The following CDH8 variants were observed in gnomAD, a reference collection of about 807,000 sequenced individuals.
CDH8 encodes cadherin-8.
Under a neutral mutation model 68.1 loss-of-function variants are expected in CDH8, and 17 were observed. The ratio of observed to expected loss-of-function variants is 0.25; its 90% CI spans 0.17 to 0.37. The LOEUF is 0.37. Ranked by LOEUF, CDH8 falls within the 10% of genes least tolerant of loss-of-function variation. The pLI is 1.00. For missense variants in CDH8, 763 were observed against 999.3 expected (o/e 0.76, Z 3.19); for synonymous variants, 372 against 365.1 (o/e 1.02, Z -0.21).
chr16:61,862,889 A>C (rs140825875), intron 3 of CDH8, among the ~76,000 whole-genome samples: 1 of 152,272 alleles, frequency 6.6e-6, no homozygotes, highest in African/African-American at 2.4e-5. Context: ...AACAACCAGG[A>C]TTCTCTGTTT....
rs567661896 is a variant in CDH8 at position 61,879,819 on chromosome 16, G to C, written c.547+21360C>G. ...TATAAGCACAAGTTTCACCTACAGA[G>C]ACCTTATGGGAGAGTAGAAATAGCA... On this transcript the variant is annotated intron_variant, in intron 3 of 11. Transcript: ENST00000577390. Among the ~76,000 whole-genome samples, 7 of 152,220 alleles carry C rather than the reference G, an allele frequency of 4.6e-5. No individual in the cohort carries two copies. The East Asian group carries it at 1.4e-3, about 29-fold the overall frequency.
chr16:61,923,757 T>C (rs954622387), intron 2 of CDH8, among the ~76,000 whole-genome samples: 2 of 147,714 alleles, frequency 1.4e-5, no homozygotes, highest in African/African-American at 4.9e-5. Flanking sequence ...TGTATATATA[T>C]TTAAATATAT....
intron 2 of CDH8, among the ~76,000 whole-genome samples, chr16:61,952,229 C>A (rs1964909524): frequency 6.6e-6 from 1 of 152,064 alleles, no homozygotes; most frequent in Admixed American, 6.6e-5. Flanking sequence ...ATACCACTAC[C>A]ACAGCTAAAG....
intron 10 of CDH8, among the ~76,000 whole-genome samples, chr16:61,660,423 A>AG (rs1376536116): frequency 1.8e-4 from 28 of 152,042 alleles, no homozygotes; most frequent in African/African-American, 6.0e-4. Context: ...AAGAATAGAG[A>AG]GAAAAAAAGA....
chr16:61,960,006 A>G (rs374993605), intron 2 of CDH8, among the ~76,000 whole-genome samples: 3 of 83,216 alleles, frequency 3.6e-5, no homozygotes, highest in African/African-American at 1.6e-4. Context: ...ATATATATAT[A>G]TATATATATA....
intron 2 of CDH8, among the ~76,000 whole-genome samples, chr16:62,011,782 G>T (rs1901819884): frequency 1.3e-5 from 2 of 152,124 alleles, no homozygotes; most frequent in Non-Finnish European, 2.9e-5. Context: ...ACCTCACTTT[G>T]AGTAATAAAA....
At chr16:61,880,901 G>A (rs906545976) in intron 3 of CDH8, among the ~76,000 whole-genome samples, 7 of 152,204 alleles carry the variant, frequency 4.6e-5, no homozygotes, top group African/African-American at 1.7e-4. Flanking sequence ...GAAGAAGGAA[G>A]TTTTCTTATT....
chr16:61,892,059 A>T (rs1481230212), intron 3 of CDH8, among the ~76,000 whole-genome samples: 1 of 152,198 alleles, frequency 6.6e-6, no homozygotes, highest in Non-Finnish European at 1.5e-5. Context: ...AATAATAAAA[A>T]ATATGAAAAT....
chr16:61,658,796 T>C (rs1020058654), intron 10 of CDH8, among the ~76,000 whole-genome samples: 4 of 152,166 alleles, frequency 2.6e-5, no homozygotes, highest in African/African-American at 9.6e-5. Flanking sequence ...GTAGAAGTTA[T>C]ATTGAAATAT....
At chr16:62,009,950 G>A (rs1226101647) in intron 2 of CDH8, among the ~76,000 whole-genome samples, 1 of 151,992 alleles carries the variant, frequency 6.6e-6, no homozygotes, top group Non-Finnish European at 1.5e-5. Flanking sequence ...AAATGAGAAA[G>A]CAAAACATCA....
At position 61,987,746 on chromosome 16, in the gene CDH8, T is replaced by TAA. The variant is rs61546952; in HGVS notation, c.252+33404_252+33405dup. 3.8e-3 allele frequency among the ~76,000 whole-genome samples: 551 copies of TAA among 144,418 alleles called. 1 individual carries two copies. Among genetic ancestry groups the TAA allele is most frequent in the African/African-American group, 0.013 (518 of 39,630 alleles). The allele number at this position is 144,418 out of a possible 152,430, so 94.7% of individuals were successfully genotyped here. The stretch of plus-strand genomic sequence containing the variant: ...ATAATCGTATGATGTTTTAGATTGG[T>TAA]AAAAAAAAAAACCCAGTCTCTGAAA... On this transcript the variant is annotated intron_variant, in intron 2 of 11. Coordinates refer to ENST00000577390, the MANE Select transcript of CDH8 (RefSeq NM_001796.5).
intron 2 of CDH8, among the ~76,000 whole-genome samples, chr16:61,993,544 T>A (rs2150591253): frequency 6.6e-6 from 1 of 152,282 alleles, no homozygotes; most frequent in East Asian, 1.9e-4. Flanking sequence ...GCAATAGTAG[T>A]AGTAATGGCA....
At chr16:62,035,936 C>T (rs1429667465) in intron 1 of CDH8, 144 bp downstream of exon 1, 1 of 152,414 alleles carries the variant, frequency 6.6e-6, no homozygotes, top group Non-Finnish European at 1.5e-5. Context: ...AGCCCAGAGC[C>T]TATGCTAAGA....
intron 10 of CDH8, among the ~76,000 whole-genome samples, chr16:61,701,068 G>T (rs1964419863): frequency 6.6e-6 from 1 of 152,122 alleles, no homozygotes; most frequent in African/African-American, 2.4e-5. Flanking sequence ...AAATAAGAAA[G>T]AATGAGATTA....
intron 8 of CDH8, among the ~76,000 whole-genome samples, chr16:61,734,227 TA>T (rs1959613292): frequency 6.6e-6 from 1 of 152,122 alleles, no homozygotes; most frequent in Non-Finnish European, 1.5e-5. Flanking sequence ...TTGGAGGGTT[TA>T]AAGAGGATGG....
At chr16:61,699,861 C>A (rs1964390167) in intron 10 of CDH8, among the ~76,000 whole-genome samples, 1 of 152,212 alleles carries the variant, frequency 6.6e-6, no homozygotes, top group Admixed American at 6.5e-5. Flanking sequence ...CAGGCATGAG[C>A]CACCGTGCCC....
chr16:61,712,706 C>T (rs1596890165), intron 10 of CDH8, among the ~76,000 whole-genome samples: 2 of 151,516 alleles, frequency 1.3e-5, no homozygotes, highest in African/African-American at 4.8e-5. Flanking sequence ...GTTTTGTCTC[C>T]TCAGTGTTTA....
intron 2 of CDH8, among the ~76,000 whole-genome samples, chr16:61,993,398 C>T (rs1234523180): frequency 6.6e-6 from 1 of 151,940 alleles, no homozygotes; most frequent in African/African-American, 2.4e-5. Context: ...CGGCTCACAG[C>T]AACTTCTGCC....
chr16:61,978,202 C>T (rs1311649944), intron 2 of CDH8, among the ~76,000 whole-genome samples: 2 of 152,254 alleles, frequency 1.3e-5, no homozygotes, highest in Non-Finnish European at 2.9e-5. Context: ...AGCATAGTAG[C>T]CTCACAGTGC....
Sources: gnomAD v4.1 joint callset for allele counts (sites outside exome capture counted in the v4.1 genomes callset) on GRCh38, gnomAD v4.1.1 for gene constraint, MANE v1.5 for transcripts, NCBI Gene and HGNC (gene_info 2026-07-23, HGNC 2026-07-21) for gene names.